Variants in MGAT4C observed in about 807,000 individuals in gnomAD.
The protein encoded by MGAT4C is MGAT4 family member C, also known as alpha-1,3-mannosyl-glycoprotein 4-beta-N-acetylglucosaminyltransferase C.
MGAT4C carries 19 observed loss-of-function variants against 40.1 expected under a neutral mutation model. The ratio of observed to expected loss-of-function variants is 0.47; its 90% CI spans 0.33 to 0.70. MGAT4C has a LOEUF of 0.70. MGAT4C is among the 30% of genes least tolerant of loss of function. The pLI, the probability that MGAT4C is intolerant of heterozygous loss-of-function variation, is 0.02. For missense variants in MGAT4C, 491 were observed against 563.2 expected (o/e 0.87, Z 1.30); for synonymous variants, 181 against 187.1 (o/e 0.97, Z 0.27).
rs1888889634 is a variant in MGAT4C, at chr12:86,187,486, C to T, written c.-57+68753G>A. On this transcript the variant is annotated intron_variant, in intron 1 of 4. Coordinates refer to ENST00000611864, the MANE Select transcript of MGAT4C (RefSeq NM_001351288.2). The stretch of plus-strand genomic sequence containing the variant: ...TACCCTTTGCATTACTTTTTTCCTA[C>T]ATTACTCCAAGAATGTGGCAACTAT... 3.3e-5 allele frequency among the ~76,000 whole-genome samples: 5 copies of T among 152,088 alleles called. No homozygotes were observed. In the South Asian group the frequency reaches 8.3e-4, roughly 25 times the overall value.
intron 4 of MGAT4C, among the ~76,000 whole-genome samples, chr12:86,270,081 T>C (rs1424686426): frequency 6.6e-6 from 1 of 152,116 alleles, no homozygotes; most frequent in Non-Finnish European, 1.5e-5. Flanking sequence ...TTTGTTTTTC[T>C]TTTGAGACAG....
At chr12:86,030,337 G>A (rs1455414954) in intron 2 of MGAT4C, among the ~76,000 whole-genome samples, 1 of 151,678 alleles carries the variant, frequency 6.6e-6, no homozygotes, top group Non-Finnish European at 1.5e-5. Context: ...TTGAAAAGAC[G>A]ACAGTATATG....
intron 2 of MGAT4C, among the ~76,000 whole-genome samples, chr12:86,596,194 C>A (rs552295972): frequency 9.4e-6 from 1 of 106,254 alleles, no homozygotes; most frequent in Non-Finnish European, 2.0e-5. Context: ...AATAAAATCA[C>A]GGATTAAAAT....
At chr12:86,491,646 C>A (rs1157068589) in intron 2 of MGAT4C, among the ~76,000 whole-genome samples, 3 of 151,768 alleles carry the variant, frequency 2.0e-5, no homozygotes, top group Non-Finnish European at 4.4e-5. Context: ...GGATGTATCT[C>A]AAAATAATAA....
intron 1 of MGAT4C, among the ~76,000 whole-genome samples, chr12:86,253,895 GTAT>G (rs1952407226): frequency 6.6e-6 from 1 of 151,880 alleles, no homozygotes; most frequent in Admixed American, 6.6e-5. Context: ...ATACAAAAGA[GTAT>G]TATTTTGCAA....
intron 2 of MGAT4C, among the ~76,000 whole-genome samples, chr12:86,690,127 G>T (rs1460186639): frequency 6.6e-6 from 1 of 152,092 alleles, no homozygotes; most frequent in African/African-American, 2.4e-5. Flanking sequence ...GGGGAAAACC[G>T]CCTACTGAAG....
intron 3 of MGAT4C, among the ~76,000 whole-genome samples, chr12:85,988,363 G>GAT (rs1452568365): frequency 6.6e-6 from 1 of 152,074 alleles, no homozygotes; most frequent in Non-Finnish European, 1.5e-5. Flanking sequence ...TGACTCATAG[G>GAT]ATATAGCATA....
At chr12:86,199,323 G>A (rs863395) in intron 1 of MGAT4C, among the ~76,000 whole-genome samples, 102,773 of 151,860 alleles carry the variant, frequency 0.68, 35,080 homozygotes, top group South Asian at 0.75. Context: ...AAAAAGGAAG[G>A]ATCCAGGGTA....
chr12:86,629,533 C>T, intron 2 of MGAT4C, among the ~76,000 whole-genome samples: 1 of 152,238 alleles, frequency 6.6e-6, no homozygotes, highest in South Asian at 2.1e-4. Context: ...TGAAAAAGAA[C>T]AGAAATCACA....
intron 2 of MGAT4C, among the ~76,000 whole-genome samples, chr12:86,523,184 G>A (rs1279355522): frequency 6.6e-6 from 1 of 151,952 alleles, no homozygotes; most frequent in Non-Finnish European, 1.5e-5. Flanking sequence ...GTGATGTTAG[G>A]TTGCTAAATT....
intron 3 of MGAT4C, among the ~76,000 whole-genome samples, chr12:86,377,308 C>A (rs1394383559): frequency 6.6e-6 from 1 of 152,126 alleles, no homozygotes; most frequent in African/African-American, 2.4e-5. Context: ...ATCCGCCCAC[C>A]TCAGCATCCC....
intron 2 of MGAT4C, among the ~76,000 whole-genome samples, chr12:86,487,501 A>T (rs981296842): frequency 6.6e-6 from 1 of 152,176 alleles, no homozygotes; most frequent in Admixed American, 6.6e-5. Flanking sequence ...TTTAGAAAAC[A>T]AGTATTTCCG....
chr12:86,296,688 C>T lies in MGAT4C; in HGVS notation c.-57+37377G>A, dbSNP rs530789987. On this transcript the variant is annotated intron_variant, in intron 4 of 7. Coordinates refer to the MGAT4C transcript ENST00000548651. ...GCCTGGGGCCCGCAGGGCCGGCCAG[C>T]GGCTCCGAGTGCGGGGCCCGCCAAG... Among the ~76,000 whole-genome samples, 11 of 152,336 alleles carry T rather than the reference C, an allele frequency of 7.2e-5. No homozygotes were observed. In the East Asian group the frequency reaches 1.5e-3, roughly 21 times the overall value.
intron 2 of MGAT4C, among the ~76,000 whole-genome samples, chr12:86,509,573 A>G (rs1958535946): frequency 6.6e-6 from 1 of 152,184 alleles, no homozygotes; most frequent in Admixed American, 6.5e-5. Flanking sequence ...TGAACTTTAA[A>G]GTAGTTTTTT....
chr12:86,059,218 TG>T (rs1473451445), intron 1 of MGAT4C, among the ~76,000 whole-genome samples: 2 of 152,084 alleles, frequency 1.3e-5, no homozygotes, highest in African/African-American at 4.8e-5. Context: ...GACTAATTTT[TG>T]TATTTTTAGT....
chr12:86,245,764 T>C (rs1375193562), intron 1 of MGAT4C, among the ~76,000 whole-genome samples: 2 of 152,164 alleles, frequency 1.3e-5, no homozygotes, highest in Non-Finnish European at 2.9e-5. Context: ...AGGTAGAATA[T>C]AATTTTCCTC....
chr12:86,320,203 G>C (rs1051690680), intron 4 of MGAT4C, among the ~76,000 whole-genome samples: 2 of 151,926 alleles, frequency 1.3e-5, no homozygotes, highest in African/African-American at 4.8e-5. Context: ...AATCCTGTCT[G>C]AGAAAAAAAT....
intron 3 of MGAT4C, among the ~76,000 whole-genome samples, chr12:86,393,764 C>T (rs983774050): frequency 4.3e-5 from 6 of 140,744 alleles, no homozygotes; most frequent in Non-Finnish European, 9.3e-5. Context: ...AGAATGATGT[C>T]TTTCATGGTG....
chr12:86,185,581 GC>G (rs1888670115), intron 1 of MGAT4C, among the ~76,000 whole-genome samples: 1 of 152,042 alleles, frequency 6.6e-6, no homozygotes, highest in Admixed American at 6.6e-5. Context: ...ATCTAATTCT[GC>G]CCCATTCTAA....
Sources: allele counts gnomAD v4.1 joint callset (sites outside exome capture counted in the v4.1 genomes callset), GRCh38; gene constraint gnomAD v4.1.1; transcripts MANE v1.5; gene names NCBI Gene and HGNC (gene_info 2026-07-23, HGNC 2026-07-21).